The following NTRK3 variants were observed in gnomAD, a reference collection of about 807,000 sequenced individuals.
NTRK3 encodes neurotrophic receptor tyrosine kinase 3.
In NTRK3, 24 loss-of-function variants were observed where a neutral mutation model predicts 91.7. The ratio of observed to expected loss-of-function variants is 0.26; its 90% CI spans 0.19 to 0.37. The LOEUF (loss-of-function observed/expected upper bound fraction) is 0.37, where lower values mean the gene tolerates loss of function less well. NTRK3 is among the 10% of genes least tolerant of loss of function. The probability of loss-of-function intolerance (pLI) is 1.00; values close to 1 mark genes in which losing one functional copy is unlikely to be tolerated. For synonymous variants in NTRK3, 483 were observed against 404.0 expected (o/e 1.20, Z -2.34); for missense variants, 880 against 1,068.9 (o/e 0.82, Z 2.46).
At chr15:88,111,738 C>G (rs1454990528) in intron 13 of NTRK3, among the ~76,000 whole-genome samples, 1 of 152,124 alleles carries the variant, frequency 6.6e-6, no homozygotes, top group Non-Finnish European at 1.5e-5. Flanking sequence ...TCTCAGTTTT[C>G]TCATGTGTGA....
chr15:87,964,299 T>C (rs955949005), intron 14 of NTRK3, among the ~76,000 whole-genome samples: 1 of 151,856 alleles, frequency 6.6e-6, no homozygotes, highest in African/African-American at 2.4e-5. Flanking sequence ...TATAGACAGA[T>C]AGATCAATCT....
chr15:88,046,856 A>G (rs1165369213), intron 13 of NTRK3, among the ~76,000 whole-genome samples: 3 of 152,254 alleles, frequency 2.0e-5, no homozygotes, highest in Non-Finnish European at 2.9e-5. Flanking sequence ...GCGAGGGTAC[A>G]GAGGGTCGAT....
intron 14 of NTRK3, among the ~76,000 whole-genome samples, chr15:88,012,440 G>A (rs1008224121): frequency 2.6e-5 from 4 of 152,158 alleles, no homozygotes; most frequent in African/African-American, 9.7e-5. Context: ...CTGACCCCGA[G>A]CTTTGGCAAA....
intron 14 of NTRK3, among the ~76,000 whole-genome samples, chr15:87,940,961 C>T (rs1195453001): frequency 6.6e-6 from 1 of 152,140 alleles, no homozygotes; most frequent in Non-Finnish European, 1.5e-5. Flanking sequence ...CAATGCTGTC[C>T]CTGAACAACT....
chr15:87,895,921 C>T (rs778191614), intron 17 of NTRK3, among the ~76,000 whole-genome samples: 1 of 151,874 alleles, frequency 6.6e-6, no homozygotes, highest in South Asian at 2.1e-4. Flanking sequence ...TAAATTCAAC[C>T]AATTGTCAAC....
intron 14 of NTRK3, among the ~76,000 whole-genome samples, chr15:87,961,342 AAAG>A (rs1325247952): frequency 2.0e-5 from 3 of 152,350 alleles, no homozygotes; most frequent in Admixed American, 6.5e-5. Context: ...ACTGTCATTA[AAAG>A]AAGAACATAT....
intron 14 of NTRK3, among the ~76,000 whole-genome samples, chr15:87,995,796 C>T (rs1475507724): frequency 6.6e-6 from 1 of 152,160 alleles, no homozygotes. Flanking sequence ...CTCAACTCTG[C>T]CGTTGCAGCA....
intron 3 of NTRK3, among the ~76,000 whole-genome samples, chr15:88,253,632 C>T (rs1394077215): frequency 2.0e-5 from 3 of 152,216 alleles, no homozygotes. Flanking sequence ...ACCTCTGACC[C>T]TCCCCCACCT....
At chr15:87,874,400 G>A (rs1384482690) in exon 19 of NTRK3, 6 of 229,960 alleles carry the variant, frequency 2.6e-5, no homozygotes, top group Admixed American at 5.7e-5. Flanking sequence ...TGACAACTGC[G>A]GTCTCCTTCA....
chr15:88,173,930 G>T (rs547623254), intron 5 of NTRK3, among the ~76,000 whole-genome samples: 1 of 152,330 alleles, frequency 6.6e-6, no homozygotes, highest in Non-Finnish European at 1.5e-5. Flanking sequence ...TCTGTAAAAT[G>T]GGGACAACAA....
chr15:88,118,389 C>T (rs1233774429), intron 13 of NTRK3, among the ~76,000 whole-genome samples: 4 of 152,080 alleles, frequency 2.6e-5, no homozygotes, highest in Non-Finnish European at 5.9e-5. Context: ...AGGAGGGGGT[C>T]TGTTGGAGCA....
intron 13 of NTRK3, among the ~76,000 whole-genome samples, chr15:88,074,297 T>G (rs2047346938): frequency 6.6e-6 from 1 of 152,222 alleles, no homozygotes; most frequent in Non-Finnish European, 1.5e-5. Context: ...CTCCATCCAT[T>G]AGAATGATGA....
chr15:88,010,618 T>C (rs2076810712), intron 14 of NTRK3, among the ~76,000 whole-genome samples: 1 of 152,198 alleles, frequency 6.6e-6, no homozygotes. Flanking sequence ...AAAAGCAATG[T>C]AATAAACCTA....
chr15:88,117,905 T>C (rs2052281847), intron 13 of NTRK3, among the ~76,000 whole-genome samples: 1 of 152,192 alleles, frequency 6.6e-6, no homozygotes, highest in Admixed American at 6.5e-5. Context: ...CTGGAACAGG[T>C]GGCAGACACA....
chr15:88,112,831 ATTG>A (rs1180175886), intron 13 of NTRK3, among the ~76,000 whole-genome samples: 1 of 152,058 alleles, frequency 6.6e-6, no homozygotes, highest in Non-Finnish European at 1.5e-5. Flanking sequence ...CAACCTGAGC[ATTG>A]TCCAATGCAC....
intron 13 of NTRK3, among the ~76,000 whole-genome samples, chr15:88,045,255 A>T (rs888471189): frequency 4.4e-4 from 67 of 152,296 alleles, no homozygotes; most frequent in African/African-American, 1.6e-3. Flanking sequence ...TATAATTTTC[A>T]TCAGAAACAT....
intron 14 of NTRK3, among the ~76,000 whole-genome samples, chr15:88,005,707 A>G (rs1180051871): frequency 6.6e-6 from 1 of 152,150 alleles, no homozygotes; most frequent in Non-Finnish European, 1.5e-5. Flanking sequence ...GCTAGGAGGC[A>G]GTCTCCCTCT....
At chr15:87,899,664 G>T (rs775808830) in intron 17 of NTRK3, among the ~76,000 whole-genome samples, 1 of 152,158 alleles carries the variant, frequency 6.6e-6, no homozygotes, top group Non-Finnish European at 1.5e-5. Context: ...GGAACACTTT[G>T]CATATTTTAA....
chr15:87,956,015 G>T (rs931492251), intron 14 of NTRK3, among the ~76,000 whole-genome samples: 3 of 152,036 alleles, frequency 2.0e-5, no homozygotes, highest in African/African-American at 7.3e-5. Context: ...AATAAGCCCC[G>T]TGGTGGGACA....
Sources: allele counts gnomAD v4.1 joint callset (sites outside exome capture counted in the v4.1 genomes callset), GRCh38; gene constraint gnomAD v4.1.1; transcripts MANE v1.5; gene names NCBI Gene and HGNC (gene_info 2026-07-23, HGNC 2026-07-21).